Variants in CTNNA2 observed in about 807,000 individuals in gnomAD.
CTNNA2 encodes the protein catenin alpha-2.
In CTNNA2, 42 loss-of-function variants were observed where a neutral mutation model predicts 101.0. The observed-to-expected ratio is 0.42, with a 90% CI of 0.32 to 0.54. The LOEUF (loss-of-function observed/expected upper bound fraction) is 0.54. Among genes scored for constraint, CTNNA2 ranks in the 20% least tolerant of loss-of-function variants. The pLI is 0.14. For synonymous variants in CTNNA2, 450 were observed against 456.4 expected (o/e 0.99, Z 0.18); for missense variants, 871 against 1,223.1 (o/e 0.71, Z 4.29).
chr2:79,523,388 C>T, intron 1 of CTNNA2: 1 of 238,662 alleles, frequency 4.2e-6, no homozygotes, highest in Non-Finnish European at 8.4e-6. Context: ...TTTCATTTTA[C>T]ATATAGTTTA....
chr2:79,417,535 A>G (rs1435234945), intron 4 of CTNNA2, among the ~76,000 whole-genome samples: 2 of 152,132 alleles, frequency 1.3e-5, no homozygotes, highest in Non-Finnish European at 2.9e-5. Flanking sequence ...CATACTTCAA[A>G]GATTAATTGA....
intron 3 of CTNNA2, among the ~76,000 whole-genome samples, chr2:79,799,697 A>T (rs1169931310): frequency 6.6e-6 from 1 of 152,230 alleles, no homozygotes; most frequent in Non-Finnish European, 1.5e-5. Flanking sequence ...GTTTAGCATC[A>T]CTGAACTGAA....
At chr2:79,464,670 G>C (rs3961796) in intron 4 of CTNNA2, among the ~76,000 whole-genome samples, 1 of 151,800 alleles carries the variant, frequency 6.6e-6, no homozygotes, top group Non-Finnish European at 1.5e-5. Flanking sequence ...TTTAATGATC[G>C]CCATTCTAAC....
At chr2:79,699,574 G>T (rs868542255) in intron 2 of CTNNA2, among the ~76,000 whole-genome samples, 7 of 151,720 alleles carry the variant, frequency 4.6e-5, no homozygotes, top group Middle Eastern at 3.4e-3. Context: ...TTCCCATATG[G>T]ATCCAACTTT....
intron 7 of CTNNA2, among the ~76,000 whole-genome samples, chr2:80,187,522 C>T (rs986350836): frequency 2.0e-5 from 3 of 152,170 alleles, no homozygotes; most frequent in African/African-American, 7.2e-5. Context: ...TAGGGCCTTT[C>T]CTTTTTTACA....
At chr2:80,049,851 A>G (rs1448648970) in intron 7 of CTNNA2, among the ~76,000 whole-genome samples, 1 of 152,114 alleles carries the variant, frequency 6.6e-6, no homozygotes, top group African/African-American at 2.4e-5. Context: ...TGCTCTTTAT[A>G]TAACCCAGAC....
At chr2:80,155,077 G>A (rs1703930769) in intron 7 of CTNNA2, among the ~76,000 whole-genome samples, 1 of 152,158 alleles carries the variant, frequency 6.6e-6, no homozygotes, top group Admixed American at 6.6e-5. Context: ...GCTTATTTAA[G>A]GACAGCTGGA....
intron 7 of CTNNA2, among the ~76,000 whole-genome samples, chr2:80,115,129 T>A (rs954321188): frequency 6.6e-6 from 1 of 152,208 alleles, no homozygotes; most frequent in African/African-American, 2.4e-5. Context: ...ATTTGTTAGA[T>A]AATTCAGCAA....
intron 3 of CTNNA2, among the ~76,000 whole-genome samples, chr2:79,781,028 A>G (rs753866736): frequency 1.3e-5 from 2 of 152,220 alleles, no homozygotes; most frequent in African/African-American, 2.4e-5. Context: ...GGTCAAGTCC[A>G]TAGAGTAAAG....
At position 79,930,355 on chromosome 2, in the gene CTNNA2, A is replaced by AAC. The variant is rs1687357879; in HGVS notation, c.1056+20558_1056+20559insAC. 6.7e-4 allele frequency among the ~76,000 whole-genome samples: 70 copies of AAC among 104,982 alleles called. 1 individual carries two copies. The highest frequency in any genetic ancestry group is 2.0e-3 in the African/African-American group (61 of 30,232). 68.9% of individuals were successfully genotyped at this position (104,982 alleles called of 152,430 possible). A position where few individuals can be genotyped will look rare whatever the true frequency, so the allele number is the denominator to read the frequency against. On this transcript the variant is annotated intron_variant, in intron 7 of 18. Transcript: ENST00000402739. ...AAGAAAGAAAGAAAGAAAGAAAGAA[A>AAC]GAATGAACACGGGTTCTAGCCACCT... is the stretch of plus-strand genomic sequence containing the variant.
At chr2:79,707,511 A>G (rs141075965) in intron 2 of CTNNA2, among the ~76,000 whole-genome samples, 11 of 152,298 alleles carry the variant, frequency 7.2e-5, no homozygotes, top group Admixed American at 6.5e-4. Context: ...TAGTCTGTGT[A>G]TTTCCTGCAT....
intron 8 of CTNNA2, among the ~76,000 whole-genome samples, chr2:80,397,307 T>A (rs1678103636): frequency 3.9e-5 from 6 of 152,322 alleles, no homozygotes; most frequent in African/African-American, 1.4e-4. Flanking sequence ...CTCCATGTAT[T>A]GACCACATTT....
rs116826158 is a variant in CTNNA2 at position 80,133,917 on chromosome 2, C to T, written c.1056+224120C>T. Among the ~76,000 whole-genome samples, 522 of 152,290 alleles carry T rather than the reference C, an allele frequency of 3.4e-3. 2 individuals carry two copies. The highest frequency in any genetic ancestry group is 0.011 in the African/African-American group (470 of 41,556). ...TGATAGTTGAGAAAGTTAATCAACTCTGTGACCCCTGTTCCTCATTAGTAA... is the reference window on the plus strand; with the variant it reads ...TGATAGTTGAGAAAGTTAATCAACTTTGTGACCCCTGTTCCTCATTAGTAA... On this transcript the variant is annotated intron_variant, in intron 7 of 18. Coordinates refer to ENST00000402739, the MANE Select transcript of CTNNA2 (RefSeq NM_001282597.3).
chr2:80,604,124 A>C lies in CTNNA2; in HGVS notation c.2240A>C (p.Lys747Thr). 1 of 1,613,094 alleles carries C rather than the reference A, an allele frequency of 6.2e-7. No homozygotes were observed. The highest frequency in any genetic ancestry group is 2.2e-5 in the East Asian group (1 of 44,834). ...NTSDVINAAK[K>T]IAEAGSRMDK... Reference sequence around the variant, plus strand: ...TCTGATGTCATTAATGCTGCCAAGAAAATTGCCGAAGCAGGTTCTCGAATG... The same window carrying C: ...TCTGATGTCATTAATGCTGCCAAGACAATTGCCGAAGCAGGTTCTCGAATG... The change falls in exon 16 of 19, where the codon AAA (lysine) becomes ACA (threonine). Residue 747 changes from lysine to threonine, a missense_variant. By Grantham distance (78) the Lys-to-Thr change is moderately conservative. Coordinates refer to ENST00000402739, the MANE Select transcript of CTNNA2 (RefSeq NM_001282597.3).
At chr2:80,583,220 G>T (rs1217867672) in intron 14 of CTNNA2, among the ~76,000 whole-genome samples, 1 of 152,100 alleles carries the variant, frequency 6.6e-6, no homozygotes, top group Admixed American at 6.6e-5. Context: ...AAAATAATAG[G>T]CACAATATTA....
At chr2:79,223,987 G>A (rs1021283852) in intron 2 of CTNNA2, among the ~76,000 whole-genome samples, 3 of 152,188 alleles carry the variant, frequency 2.0e-5, no homozygotes, top group Admixed American at 2.0e-4. Flanking sequence ...GAAGACAGAA[G>A]AGTGGGACAG....
At chr2:79,945,544 G>A (rs1273781346) in intron 7 of CTNNA2, among the ~76,000 whole-genome samples, 1 of 152,018 alleles carries the variant, frequency 6.6e-6, no homozygotes, top group East Asian at 1.9e-4. Context: ...CATCCTGTGC[G>A]TTCATTGACC....
At chr2:80,161,304 C>A (rs748402523) in intron 7 of CTNNA2, among the ~76,000 whole-genome samples, 1 of 152,054 alleles carries the variant, frequency 6.6e-6, no homozygotes, top group African/African-American at 2.4e-5. Flanking sequence ...GCGTGAGCCC[C>A]CATGCACAGC....
intron 17 of CTNNA2, among the ~76,000 whole-genome samples, chr2:80,616,010 T>A (rs977165749): frequency 6.6e-6 from 1 of 151,654 alleles, no homozygotes; most frequent in Non-Finnish European, 1.5e-5. Flanking sequence ...TTTAATCTTT[T>A]CTTTTATCAT....
Sources: allele counts gnomAD v4.1 joint callset (sites outside exome capture counted in the v4.1 genomes callset), GRCh38; gene constraint gnomAD v4.1.1; transcripts MANE v1.5; gene names NCBI Gene and HGNC (gene_info 2026-07-23, HGNC 2026-07-21).